The following CNTNAP5 variants were observed in gnomAD, a reference collection of about 807,000 sequenced individuals.
The protein encoded by CNTNAP5 is contactin-associated protein-like 5.
In CNTNAP5, 72 loss-of-function variants were observed where a neutral mutation model predicts 150.2. The ratio of observed to expected loss-of-function variants is 0.48; its 90% CI spans 0.40 to 0.58. The LOEUF (loss-of-function observed/expected upper bound fraction) is 0.58, where lower values mean the gene tolerates loss of function less well. CNTNAP5 is among the 20% of genes least tolerant of loss of function. The probability of loss-of-function intolerance (pLI) is 0.00; values close to 1 mark genes in which losing one functional copy is unlikely to be tolerated. For synonymous variants in CNTNAP5, 672 were observed against 619.8 expected (o/e 1.08, Z -1.25); for missense variants, 1,636 against 1,626.2 (o/e 1.01, Z -0.10).
chr2:124,372,744 A>G (rs1464314764), intron 3 of CNTNAP5, among the ~76,000 whole-genome samples: 1 of 152,074 alleles, frequency 6.6e-6, no homozygotes, highest in Non-Finnish European at 1.5e-5. Flanking sequence ...TTTTATTTAA[A>G]CCAAATTGAC....
At chr2:124,841,648 A>G (rs1003039231) in intron 19 of CNTNAP5, among the ~76,000 whole-genome samples, 1 of 152,128 alleles carries the variant, frequency 6.6e-6, no homozygotes, top group African/African-American at 2.4e-5. Context: ...TGAGTAACTC[A>G]TCACTAGATT....
chr2:124,375,634 A>C (rs1033530996), intron 3 of CNTNAP5, among the ~76,000 whole-genome samples: 1 of 152,084 alleles, frequency 6.6e-6, no homozygotes, highest in Non-Finnish European at 1.5e-5. Context: ...ATTGTAGTTG[A>C]GTTAATAGTA....
intron 21 of CNTNAP5, among the ~76,000 whole-genome samples, chr2:124,891,840 C>T (rs1202929592): frequency 2.6e-5 from 4 of 152,114 alleles, no homozygotes; most frequent in Non-Finnish European, 5.9e-5. Context: ...ATTTCCTAGC[C>T]TCCATTGAGT....
chr2:124,564,313 A>G (rs563990439), intron 11 of CNTNAP5, among the ~76,000 whole-genome samples: 146 of 152,234 alleles, frequency 9.6e-4, no homozygotes, highest in African/African-American at 3.3e-3. Flanking sequence ...ATAGAAAACA[A>G]ATAAAGAATA....
intron 3 of CNTNAP5, among the ~76,000 whole-genome samples, chr2:124,362,045 A>G (rs942328529): frequency 6.6e-6 from 1 of 152,172 alleles, no homozygotes; most frequent in Non-Finnish European, 1.5e-5. Context: ...GAAAAGCGCA[A>G]TATTCGGGTG....
At chr2:124,396,937 GC>G (rs1691263948) in intron 3 of CNTNAP5, among the ~76,000 whole-genome samples, 2 of 152,164 alleles carry the variant, frequency 1.3e-5, no homozygotes, top group African/African-American at 2.4e-5. Flanking sequence ...GCAGAAAAAG[GC>G]CAGTCTTAGA....
chr2:124,448,448 A>G (rs1692883289), intron 6 of CNTNAP5, among the ~76,000 whole-genome samples: 1 of 152,100 alleles, frequency 6.6e-6, no homozygotes, highest in African/African-American at 2.4e-5. Flanking sequence ...TTGTGGGGAT[A>G]CTGTAGGTTG....
At chr2:124,348,842 C>A (rs943534075) in intron 3 of CNTNAP5, among the ~76,000 whole-genome samples, 13 of 152,008 alleles carry the variant, frequency 8.6e-5, no homozygotes, top group African/African-American at 3.1e-4. Context: ...TACATGAGTG[C>A]ATATGTGTGT....
chr2:124,064,809 T>C (rs1284134999), intron 1 of CNTNAP5, among the ~76,000 whole-genome samples: 2 of 152,110 alleles, frequency 1.3e-5, no homozygotes, highest in East Asian at 1.9e-4. Flanking sequence ...GGGTAAAGCA[T>C]GTGGTTTTCC....
intron 17 of CNTNAP5, among the ~76,000 whole-genome samples, chr2:124,774,353 A>G (rs1681275234): frequency 6.6e-6 from 1 of 152,156 alleles, no homozygotes; most frequent in Non-Finnish European, 1.5e-5. Context: ...AGCAGTCACT[A>G]AAATCACACC....
intron 1 of CNTNAP5, among the ~76,000 whole-genome samples, chr2:124,191,466 C>T (rs1424912649): frequency 6.6e-6 from 1 of 152,084 alleles, no homozygotes; most frequent in African/African-American, 2.4e-5. Flanking sequence ...CCTTGAAATT[C>T]TTGAAAAACT....
Position 124,812,924 on chromosome 2 carries a change from A to G in CNTNAP5, c.3217+14604A>G, listed in dbSNP as rs1299509035. The stretch of plus-strand genomic sequence containing the variant: ...CAGAATAAATCTCTTCAAATATTTT[A>G]CAGAGTTTGACTTTTCATTGACACA... On this transcript the variant is annotated intron_variant, in intron 19 of 23. Coordinates refer to ENST00000682447, the MANE Select transcript of CNTNAP5 (RefSeq NM_001367498.1). Among the ~76,000 whole-genome samples, 6 of 152,266 alleles carry G rather than the reference A, an allele frequency of 3.9e-5. No individual in the cohort carries two copies. In the East Asian group the frequency reaches 9.7e-4, roughly 25 times the overall value.
intron 1 of CNTNAP5, among the ~76,000 whole-genome samples, chr2:124,205,767 A>C (rs1477612386): frequency 6.6e-6 from 1 of 152,214 alleles, no homozygotes; most frequent in East Asian, 1.9e-4. Flanking sequence ...AGAATGGACT[A>C]ATACAGAGAG....
chr2:124,518,812 C>T (rs1260638430), intron 8 of CNTNAP5, among the ~76,000 whole-genome samples: 1 of 151,634 alleles, frequency 6.6e-6, no homozygotes, highest in Non-Finnish European at 1.5e-5. Flanking sequence ...CGTTATGAAA[C>T]CCCATCTCTA....
intron 3 of CNTNAP5, among the ~76,000 whole-genome samples, chr2:124,393,035 G>A (rs1203149263): frequency 6.6e-6 from 1 of 151,836 alleles, no homozygotes; most frequent in African/African-American, 2.4e-5. Context: ...TTGTTTTGTT[G>A]TCTTTGCAAT....
chr2:124,792,412 C>T (rs1402243147), intron 18 of CNTNAP5, among the ~76,000 whole-genome samples: 3 of 152,066 alleles, frequency 2.0e-5, no homozygotes, highest in Admixed American at 1.3e-4. Context: ...GTTTTTGGTT[C>T]ATTTTTTCTT....
In CNTNAP5 at chr2:124,767,171, C is replaced by T. The variant is rs1266451207; in HGVS notation, c.2533+3024C>T. Among the ~76,000 whole-genome samples, 6 of 152,226 alleles carry T rather than the reference C, an allele frequency of 3.9e-5. No individual in the cohort carries two copies. The South Asian group carries it at 6.2e-4, about 16-fold the overall frequency. ...TGGCCTTTTAACAGATGCAGTGGCT[C>T]AGAATAGATTTCCCTCTCATCCGCA... On this transcript the variant is annotated intron_variant, in intron 16 of 23. Coordinates refer to ENST00000682447, the MANE Select transcript of CNTNAP5 (RefSeq NM_001367498.1).
In CNTNAP5 at chr2:124,491,368, T is replaced by C. The variant is rs567960266; in HGVS notation, c.1063-12924T>C. Among the ~76,000 whole-genome samples, 283 of 152,204 alleles carry C rather than the reference T, an allele frequency of 1.9e-3. 1 individual carries two copies. Among genetic ancestry groups the C allele is most frequent in the Non-Finnish European group, 3.5e-3 (236 of 67,980 alleles). ...TTTATTCATGTTGCCACAAATAGCATGGTTTTCCTCTTTCTTATATATGTA... is the reference window on the plus strand; with the variant it reads ...TTTATTCATGTTGCCACAAATAGCACGGTTTTCCTCTTTCTTATATATGTA... On this transcript the variant is annotated intron_variant, in intron 7 of 23. Transcript: ENST00000682447.
At chr2:124,563,676 C>A (rs1382354476) in intron 11 of CNTNAP5, among the ~76,000 whole-genome samples, 1 of 152,176 alleles carries the variant, frequency 6.6e-6, no homozygotes, top group Admixed American at 6.5e-5. Flanking sequence ...CTATAATAAA[C>A]AAACTAACAT....
Sources: allele counts gnomAD v4.1 joint callset (sites outside exome capture counted in the v4.1 genomes callset), GRCh38; gene constraint gnomAD v4.1.1; transcripts MANE v1.5; gene names NCBI Gene and HGNC (gene_info 2026-07-23, HGNC 2026-07-21).